The following PHKB variants were observed in gnomAD, a reference collection of about 807,000 sequenced individuals.
PHKB encodes the protein phosphorylase b kinase regulatory subunit beta.
A neutral mutation model predicts 152.1 loss-of-function variants in PHKB; 122 were observed. The observed-to-expected ratio is 0.80, with a 90% confidence interval of 0.69 to 0.93. The LOEUF (loss-of-function observed/expected upper bound fraction) is 0.93, where lower values mean the gene tolerates loss of function less well. PHKB is among the 40% of genes least tolerant of loss of function. The pLI, the probability that PHKB is intolerant of heterozygous loss-of-function variation, is 0.00. For missense variants in PHKB, 1,304 were observed against 1,328.4 expected, an observed-to-expected ratio of 0.98 and a Z score of 0.29; for synonymous variants, 436 against 464.9, an observed-to-expected ratio of 0.94 and a Z score of 0.80.
At chr16:47,598,769 C>A in intron 13 of PHKB, 1 of 1,584,894 alleles carries the variant, frequency 6.3e-7, no homozygotes, top group African/African-American at 1.3e-5. Context: ...AGAATCACCT[C>A]TTCTAATTGA....
intron 8 of PHKB, among the ~76,000 whole-genome samples, chr16:47,581,891 G>C (rs1450715479): frequency 6.6e-6 from 1 of 152,130 alleles, no homozygotes; most frequent in Non-Finnish European, 1.5e-5. Flanking sequence ...TGTTGGCCAG[G>C]CTGGTCTCGA....
At position 47,669,278 on chromosome 16, in the gene PHKB, AT is replaced by A. The variant is rs1973594550; in HGVS notation, c.2493del (p.Gln832LysfsTer41). Reference sequence around the variant, plus strand: ...CTCTAATCCTTTGTCTCCAAGAGTGATTCAAAACATCATCTATTATAAGTGT... The same window carrying A: ...CTCTAATCCTTTGTCTCCAAGAGTGATCAAAACATCATCTATTATAAGTGT... Reference protein sequence around the residue: ...VISNPLSPRVIQNIIYYKCNT... With the variant: ...VISNPLSPRVXQNIIYYKCNT... On this transcript the variant is annotated frameshift_variant, in exon 26 of 31. Transcript: ENST00000323584. LOFTEE classifies it high-confidence loss of function. 6.2e-7 allele frequency: 1 copy of A among 1,613,996 alleles called. No individual in the cohort carries two copies. Among genetic ancestry groups the A allele is most frequent in the Non-Finnish European group, 8.5e-7 (1 of 1,180,004 alleles).
At chr16:47,547,570 T>G (rs766849714) in intron 7 of PHKB, 22 bp downstream of exon 7, 5 of 1,161,946 alleles carry the variant, frequency 4.3e-6, no homozygotes, top group South Asian at 1.3e-5. Context: ...ATTTCTGAGG[T>G]TTTTTTTTTA....
At chr16:47,663,865 C>G in intron 24 of PHKB, 131 bp downstream of exon 24, 1 of 707,146 alleles carries the variant, frequency 1.4e-6, no homozygotes, top group South Asian at 1.5e-5. Flanking sequence ...GGTTACAGCA[C>G]TTTCTAAGAA....
In PHKB at chr16:47,565,626, G is replaced by A. The variant is rs906905808; in HGVS notation, c.711-14669G>A. On this transcript the variant is annotated intron_variant, in intron 7 of 30. Transcript: ENST00000323584. ...TGCATTTCTGCCGGATGTGGCAGAG[G>A]TCCCGGTCTGTGATGACTCACTTCC... is the stretch of plus-strand genomic sequence containing the variant. 15 of 1,089,548 alleles carry A rather than the reference G, an allele frequency of 1.4e-5. No individual in the cohort carries two copies. The African/African-American group carries it at 2.2e-4, about 16-fold the overall frequency. The allele number at this position is 1,089,548 out of a possible 1,614,324, so 67.5% of individuals were successfully genotyped here.
chr16:47,466,065 T>G (rs1164279065), intron 1 of PHKB, among the ~76,000 whole-genome samples: 3 of 152,210 alleles, frequency 2.0e-5, no homozygotes, highest in Non-Finnish European at 4.4e-5. Context: ...TGCTTTTTGT[T>G]TTTTCTTTGT....
intron 25 of PHKB, 109 bp from the exon 26 acceptor site, chr16:47,669,106 C>A: frequency 1.3e-6 from 1 of 781,996 alleles, no homozygotes; most frequent in South Asian, 1.5e-5. Flanking sequence ...AATTCCCTAG[C>A]TTATATAGAG....
chr16:47,493,963 T>C (rs1597028566), intron 1 of PHKB, among the ~76,000 whole-genome samples: 1 of 152,216 alleles, frequency 6.6e-6, no homozygotes, highest in African/African-American at 2.4e-5. Context: ...TTGCCTTTTA[T>C]AGAGCTTCAC....
chr16:47,612,668 AT>A (rs893193561), intron 14 of PHKB, among the ~76,000 whole-genome samples: 2 of 152,202 alleles, frequency 1.3e-5, no homozygotes, highest in African/African-American at 4.8e-5. Context: ...CACGTGGCAG[AT>A]TACCTCTGTG....
Position 47,466,811 on chromosome 16 carries a change from G to A in PHKB, c.76+5385G>A, listed in dbSNP as rs117667734. Among the ~76,000 whole-genome samples the A allele has an allele frequency of 6.6e-3, 999 of 151,990 alleles. 14 individuals carry two copies. Among genetic ancestry groups the A allele is most frequent in the South Asian group, 0.045 (219 of 4,818 alleles). On this transcript the variant is annotated intron_variant, in intron 1 of 30. Transcript: ENST00000323584. ...TTGTTTTCAGTTAACTAATCTAACC[G>A]TCAACTAATCAAAAAGATTCTTGTG...
intron 7 of PHKB, among the ~76,000 whole-genome samples, chr16:47,557,715 AT>A (rs1971401576): frequency 6.6e-6 from 1 of 152,218 alleles, no homozygotes; most frequent in Non-Finnish European, 1.5e-5. Flanking sequence ...AATGGCGATC[AT>A]TAAAAAGTCA....
chr16:47,624,817 T>C (rs942605552), intron 14 of PHKB, among the ~76,000 whole-genome samples: 2 of 152,202 alleles, frequency 1.3e-5, no homozygotes, highest in Non-Finnish European at 2.9e-5. Flanking sequence ...AGTCACTCCT[T>C]GTAATGCACA....
chr16:47,677,177 T>C (rs1204319489), intron 26 of PHKB, among the ~76,000 whole-genome samples: 1 of 152,218 alleles, frequency 6.6e-6, no homozygotes, highest in Non-Finnish European at 1.5e-5. Flanking sequence ...ACATCTGATA[T>C]GAGGTAAGGA....
intron 7 of PHKB, chr16:47,566,121 C>T (rs1971561426): frequency 3.0e-6 from 2 of 656,270 alleles, no homozygotes; most frequent in African/African-American, 3.6e-5. Context: ...ATAATCTCTG[C>T]TGCCTTGGTC....
At chr16:47,510,332 G>T (rs1366675945) in intron 4 of PHKB, among the ~76,000 whole-genome samples, 1 of 152,168 alleles carries the variant, frequency 6.6e-6, no homozygotes, top group African/African-American at 2.4e-5. Flanking sequence ...GAGGTGAGGA[G>T]CTGAAAGTTC....
chr16:47,589,208 T>C (rs1391281778), intron 10 of PHKB, 106 bp downstream of exon 10: 2 of 782,510 alleles, frequency 2.6e-6, no homozygotes, highest in Non-Finnish European at 2.1e-6. Flanking sequence ...TTACTAGCTA[T>C]GTGGCCCTGG....
chr16:47,545,785 G>T (rs750121494), intron 6 of PHKB, among the ~76,000 whole-genome samples: 1 of 152,040 alleles, frequency 6.6e-6, no homozygotes. Flanking sequence ...GGCCTTGTTC[G>T]TTTCTTTTTA....
intron 14 of PHKB, among the ~76,000 whole-genome samples, chr16:47,622,594 GA>G (rs1273318735): frequency 6.6e-6 from 1 of 152,184 alleles, no homozygotes; most frequent in African/African-American, 2.4e-5. Context: ...ACCCTTGAGA[GA>G]ATTCAGTTTC....
intron 26 of PHKB, among the ~76,000 whole-genome samples, chr16:47,683,483 C>A (rs1449147736): frequency 1.3e-5 from 2 of 152,234 alleles, no homozygotes; most frequent in African/African-American, 4.8e-5. Context: ...CTCTCCCACC[C>A]TCGCTGCCGC....
Sources: allele counts gnomAD v4.1 joint callset (sites outside exome capture counted in the v4.1 genomes callset), GRCh38; gene constraint gnomAD v4.1.1; transcripts MANE v1.5; gene names NCBI Gene and HGNC (gene_info 2026-07-23, HGNC 2026-07-21).